Variants in ZDHHC21 observed in about 807,000 individuals in gnomAD.
ZDHHC21 encodes the protein zDHHC palmitoyltransferase 21.
ZDHHC21 carries 15 observed loss-of-function variants against 34.6 expected under a neutral mutation model. The observed-to-expected ratio is 0.43, with a 90% CI of 0.29 to 0.67. The LOEUF (loss-of-function observed/expected upper bound fraction) is 0.67. Among genes scored for constraint, ZDHHC21 ranks in the 30% least tolerant of loss-of-function variants. The pLI, the probability that ZDHHC21 is intolerant of heterozygous loss-of-function variation, is 0.14. For missense variants in ZDHHC21, 344 were observed against 327.7 expected, an observed-to-expected ratio of 1.05 and a Z score of -0.38; for synonymous variants, 142 against 101.8, an observed-to-expected ratio of 1.40 and a Z score of -2.38.
downstream of ZDHHC21, among the ~76,000 whole-genome samples, chr9:14,606,576 T>G (rs1334570796): frequency 6.6e-6 from 1 of 152,156 alleles, no homozygotes; most frequent in Non-Finnish European, 1.5e-5. Flanking sequence ...ACAGAAAAGC[T>G]GCTGTGCCCT....
chr9:14,619,155 G>A, intron 9 of ZDHHC21, 57 bp from the exon 10 acceptor site: 1 of 1,532,584 alleles, frequency 6.5e-7, no homozygotes. Flanking sequence ...ACTTCAGTCA[G>A]CTAAAACAAT....
At chr9:14,686,520 G>T (rs1490374003) in intron 2 of ZDHHC21, among the ~76,000 whole-genome samples, 2 of 152,268 alleles carry the variant, frequency 1.3e-5, no homozygotes, top group South Asian at 2.1e-4. Flanking sequence ...ATACATTTGT[G>T]GGGGGCACAG....
the ZDHHC21 span, among the ~76,000 whole-genome samples, chr9:14,598,487 A>G: frequency 6.6e-6 from 1 of 152,234 alleles, no homozygotes; most frequent in East Asian, 1.9e-4. Context: ...TAAAAAGGAA[A>G]AAGCAACTAT....
chr9:14,593,279 T>C, the ZDHHC21 span, among the ~76,000 whole-genome samples: 2 of 151,906 alleles, frequency 1.3e-5, no homozygotes, highest in Admixed American at 6.6e-5. Flanking sequence ...AAAAAGAAGA[T>C]AGGTTTCCAA....
chr9:14,650,346 G>C (rs1301884464), intron 7 of ZDHHC21, among the ~76,000 whole-genome samples: 1 of 151,750 alleles, frequency 6.6e-6, no homozygotes, highest in African/African-American at 2.4e-5. Context: ...TTTTATATTA[G>C]CACTAAAAAT....
chr9:14,604,430 A>T, the ZDHHC21 span, among the ~76,000 whole-genome samples: 1 of 152,222 alleles, frequency 6.6e-6, no homozygotes, highest in Non-Finnish European at 1.5e-5. Flanking sequence ...ATTTGAAAAT[A>T]GTATCATTTA....
At chr9:14,647,929 T>C (rs569907994) in intron 7 of ZDHHC21, among the ~76,000 whole-genome samples, 3 of 152,264 alleles carry the variant, frequency 2.0e-5, no homozygotes, top group Admixed American at 1.3e-4. Context: ...GACCACCCCA[T>C]TGAAATCCAG....
rs1384816227 is a variant in ZDHHC21, at chr9:14,662,578, G to A, written c.254-252C>T. On this transcript the variant is annotated intron_variant, in intron 5 of 9. Coordinates refer to ENST00000380916, the MANE Select transcript of ZDHHC21 (RefSeq NM_178566.6). ...ATTGTTATAGTCAAAGTAAGAGACA[G>A]AAAACAATGTATTTGGATTCTGGGT... 2.0e-5 allele frequency among the ~76,000 whole-genome samples: 3 copies of A among 152,158 alleles called. No individual in the cohort carries two copies. In the East Asian group the frequency reaches 5.8e-4, roughly 29 times the overall value.
chr9:14,602,513 G>A, the ZDHHC21 span, among the ~76,000 whole-genome samples: 3 of 151,656 alleles, frequency 2.0e-5, no homozygotes, highest in African/African-American at 7.3e-5. Flanking sequence ...AACCTGAACA[G>A]GTCTTTTCCA....
chr9:14,592,211 T>C, the ZDHHC21 span, among the ~76,000 whole-genome samples: 2 of 152,100 alleles, frequency 1.3e-5, no homozygotes, highest in African/African-American at 4.8e-5. Flanking sequence ...TACTGGCTTA[T>C]TTTCTTAGCA....
intron 8 of ZDHHC21, among the ~76,000 whole-genome samples, chr9:14,633,808 G>C (rs972073416): frequency 1.3e-5 from 2 of 152,128 alleles, no homozygotes. Flanking sequence ...TACAAGCAAA[G>C]TGTGCAATCC....
At chr9:14,663,732 T>G (rs1833832630) in intron 5 of ZDHHC21, among the ~76,000 whole-genome samples, 1 of 152,156 alleles carries the variant, frequency 6.6e-6, no homozygotes, top group Non-Finnish European at 1.5e-5. Flanking sequence ...AATATGAAAG[T>G]TGAGAAATTA....
the ZDHHC21 span, among the ~76,000 whole-genome samples, chr9:14,602,928 C>CAAAAAAAAAAAAAAA: frequency 1.1e-5 from 1 of 88,060 alleles, no homozygotes; most frequent in African/African-American, 5.1e-5. Flanking sequence ...GACTTCATCT[C>CAAAAAAAAAAAAAAA]AAAAAAAAAA....
At chr9:14,648,153 A>G (rs1830595685) in intron 7 of ZDHHC21, among the ~76,000 whole-genome samples, 1 of 152,114 alleles carries the variant, frequency 6.6e-6, no homozygotes, top group Non-Finnish European at 1.5e-5. Context: ...CACAGCCCAC[A>G]TTCAAATTAT....
rs1486719405 is a variant in ZDHHC21, at chr9:14,616,986, A to G, written c.*1980T>C. ...TACCCACTGCTACTACATGAAGTAT[A>G]AATTAGCCACAAAGTTCTTTAGGTG... is the stretch of plus-strand genomic sequence containing the variant. On this transcript the variant is annotated 3_prime_UTR_variant, in exon 10 of 10. Transcript: ENST00000380916. 6.6e-6 allele frequency: 1 copy of G among 151,898 alleles called. No individual in the cohort carries two copies. Among genetic ancestry groups the G allele is most frequent in the East Asian group, 1.9e-4 (1 of 5,162 alleles). 9.4% of individuals were successfully genotyped at this position (151,898 alleles called of 1,614,324 possible).
intron 8 of ZDHHC21, among the ~76,000 whole-genome samples, chr9:14,634,090 C>T (rs995865689): frequency 1.1e-4 from 17 of 152,162 alleles, no homozygotes; most frequent in Admixed American, 9.8e-4. Flanking sequence ...CCATCTACAG[C>T]CCAGTCCACC....
chr9:14,607,601 C>T (rs965356550), downstream of ZDHHC21, among the ~76,000 whole-genome samples: 3 of 129,968 alleles, frequency 2.3e-5, no homozygotes, highest in East Asian at 2.2e-4. Flanking sequence ...TTGTTCTAGA[C>T]GGTGATAAGT....
chr9:14,620,762 G>C (rs1825167450), intron 8 of ZDHHC21, among the ~76,000 whole-genome samples: 1 of 151,956 alleles, frequency 6.6e-6, no homozygotes, highest in Non-Finnish European at 1.5e-5. Context: ...CTATGTAAGA[G>C]AAAATCAGAG....
At chr9:14,660,466 T>G (rs1036668875) in intron 6 of ZDHHC21, among the ~76,000 whole-genome samples, 1 of 151,850 alleles carries the variant, frequency 6.6e-6, no homozygotes, top group Non-Finnish European at 1.5e-5. Flanking sequence ...TAAAAATGTC[T>G]TAGGCAGTTA....
Sources: allele counts gnomAD v4.1 joint callset (sites outside exome capture counted in the v4.1 genomes callset), GRCh38; gene constraint gnomAD v4.1.1; transcripts MANE v1.5; gene names NCBI Gene and HGNC (gene_info 2026-07-23, HGNC 2026-07-21).